LRRC9: variants seen among roughly 807,000 people sequenced by gnomAD.
LRRC9 encodes leucine rich repeat containing 9.
A neutral mutation model predicts 63.2 loss-of-function variants in LRRC9; 122 were observed. That is an observed-to-expected ratio of 1.93 (90% CI 1.67 to 2.24). The LOEUF (loss-of-function observed/expected upper bound fraction) is 2.24. Ranked by LOEUF, LRRC9 falls within the 30% of genes most tolerant of loss-of-function variation. LRRC9 has a pLI of 0.00. For synonymous variants in LRRC9, 366 were observed against 213.1 expected, an observed-to-expected ratio of 1.72 and a Z score of -6.25; for missense variants, 1,071 against 627.7, an observed-to-expected ratio of 1.71 and a Z score of -7.55.
intron 6 of LRRC9, among the ~76,000 whole-genome samples, chr14:59,937,565 A>C (rs1210312119): frequency 6.6e-5 from 10 of 152,170 alleles, no homozygotes; most frequent in African/African-American, 1.9e-4. Context: ...AAGGAGCAGC[A>C]TGAGTAAAGG....
chr14:60,027,800 T>TA lies in LRRC9; in HGVS notation c.3704-78dup, dbSNP rs936110805. Reference sequence around the variant, plus strand: ...TACTTCTTTTGACAAATCATCTGATTAAAAAATATTTAAATGTAAGTAGAT... The same window carrying TA: ...TACTTCTTTTGACAAATCATCTGATTAAAAAAATATTTAAATGTAAGTAGAT... On this transcript the variant is annotated intron_variant, in intron 27 of 31. Transcript: ENST00000445360. This position sits in a 1 kb window ranked among gnomAD's most constrained non-coding sequence, Gnocchi z 4.0. The TA allele has an allele frequency of 1.5e-4, 74 of 496,038 alleles. No individual in the cohort carries two copies. The highest frequency in any genetic ancestry group is 1.3e-3 in the African/African-American group (68 of 51,336). The allele number at this position is 496,038 out of a possible 1,614,324, so 30.7% of individuals were successfully genotyped here. A position where few individuals can be genotyped will look rare whatever the true frequency, so the allele number is the denominator to read the frequency against.
chr14:59,993,973 TC>T (rs1372904791), intron 17 of LRRC9, among the ~76,000 whole-genome samples: 1 of 152,128 alleles, frequency 6.6e-6, no homozygotes, highest in Non-Finnish European at 1.5e-5. Context: ...CTAATAGACA[TC>T]TACAGAACTC....
At chr14:60,013,450 T>C (rs1890419707) in intron 23 of LRRC9, among the ~76,000 whole-genome samples, 1 of 152,178 alleles carries the variant, frequency 6.6e-6, no homozygotes, top group African/African-American at 2.4e-5. Context: ...ATCAGGCCCA[T>C]CCAGATTATT....
At chr14:59,985,878 G>A (rs1287871350) in intron 17 of LRRC9, among the ~76,000 whole-genome samples, 2 of 152,098 alleles carry the variant, frequency 1.3e-5, no homozygotes, top group African/African-American at 4.8e-5. Context: ...ACTTTAAAAT[G>A]AATATATTAA....
At chr14:60,059,752 T>A (rs1894534861) in intron 31 of LRRC9, among the ~76,000 whole-genome samples, 1 of 152,194 alleles carries the variant, frequency 6.6e-6, no homozygotes, top group South Asian at 2.1e-4. Context: ...GACTGCTTTA[T>A]GAGGTTTAAG....
intron 6 of LRRC9, among the ~76,000 whole-genome samples, chr14:59,937,241 C>T (rs1000478893): frequency 1.4e-5 from 2 of 144,734 alleles, no homozygotes; most frequent in East Asian, 4.2e-4. Flanking sequence ...ATCTTTCAGG[C>T]TTTGTGGGCC....
chr14:60,056,176 G>C (rs1894271178), intron 30 of LRRC9, among the ~76,000 whole-genome samples: 2 of 152,148 alleles, frequency 1.3e-5, no homozygotes, highest in African/African-American at 4.8e-5. Flanking sequence ...TGTAAGGCAA[G>C]GTATTCACAG....
At chr14:59,948,359 G>C in intron 8 of LRRC9, among the ~76,000 whole-genome samples, 1 of 144,332 alleles carries the variant, frequency 6.9e-6, no homozygotes, top group Admixed American at 7.0e-5. Flanking sequence ...CATTAATTTT[G>C]TATCCTGAGA....
rs967366725 is a variant in LRRC9, at chr14:59,938,996, T to C, written c.726+424T>C. 4.4e-4 allele frequency among the ~76,000 whole-genome samples: 55 copies of C among 123,618 alleles called. No homozygotes were observed. In the East Asian group the frequency reaches 0.01, roughly 23 times the overall value. The allele number at this position is 123,618 out of a possible 152,430, so 81.1% of individuals were successfully genotyped here. ...ATATATACATATATACACACATATA[T>C]ACATATACATATATACACATATATA... On this transcript the variant is annotated intron_variant, in intron 7 of 31. Coordinates refer to ENST00000445360, the Ensembl canonical transcript of LRRC9. This position sits in a 1 kb window ranked among gnomAD's most constrained non-coding sequence, Gnocchi z 4.2.
intron 29 of LRRC9, among the ~76,000 whole-genome samples, chr14:60,046,025 TG>T (rs1009588249): frequency 9.2e-5 from 14 of 152,334 alleles, no homozygotes; most frequent in Middle Eastern, 3.4e-3. Context: ...TGATCAGTGA[TG>T]TTGAGCTTTT....
chr14:60,030,609 G>C (rs190366958), intron 28 of LRRC9, among the ~76,000 whole-genome samples: 4 of 152,104 alleles, frequency 2.6e-5, no homozygotes, highest in Admixed American at 2.0e-4. Context: ...TATTATAACT[G>C]CTTTAGGTAC....
chr14:60,017,401 C>T lies in LRRC9; in HGVS notation c.3317+611C>T, dbSNP rs1160199015. Among the ~76,000 whole-genome samples, 2 of 151,958 alleles carry T rather than the reference C, an allele frequency of 1.3e-5. No individual in the cohort carries two copies. Among genetic ancestry groups the T allele is most frequent in the Non-Finnish European group, 2.9e-5 (2 of 67,976 alleles). ...TAGAACTCTTTTCTGCTAATTTGCT[C>T]GACAAATACCTATAACTCCTCCAAA... On this transcript the variant is annotated intron_variant, in intron 24 of 31. Transcript: ENST00000445360. This position sits in a 1 kb window ranked among gnomAD's most constrained non-coding sequence, Gnocchi z 4.0.
intron 14 of LRRC9, 67 bp from the exon 15 acceptor site, chr14:59,977,950 A>C: frequency 1.5e-6 from 1 of 654,058 alleles, no homozygotes. Flanking sequence ...AAACTATGTA[A>C]GAATGAAAAA....
intron 14 of LRRC9, among the ~76,000 whole-genome samples, chr14:59,977,785 A>G (rs1886468525): frequency 6.6e-6 from 1 of 152,104 alleles, no homozygotes; most frequent in Non-Finnish European, 1.5e-5. Context: ...ATTAAAAAGT[A>G]TTTATATAAT....
intron 7 of LRRC9, among the ~76,000 whole-genome samples, chr14:59,941,202 G>C (rs1881724841): frequency 6.6e-6 from 1 of 151,748 alleles, no homozygotes; most frequent in Admixed American, 6.6e-5. Flanking sequence ...TAATAAATTA[G>C]AAAAAGTTGA....
At chr14:59,943,171 A>C (rs1450889475) in intron 7 of LRRC9, among the ~76,000 whole-genome samples, 1 of 152,102 alleles carries the variant, frequency 6.6e-6, no homozygotes, top group Non-Finnish European at 1.5e-5. Flanking sequence ...TTTTCAGTTT[A>C]ATATAGTCCC....
rs900066130 is a variant in LRRC9 at position 59,985,101 on chromosome 14, T to G, written c.2092-4T>G. ...TTTTTAATGTATATTTTATTTTGCTTCAGAGTCTGAATCTACATGGAAACA... is the reference window on the plus strand; with the variant it reads ...TTTTTAATGTATATTTTATTTTGCTGCAGAGTCTGAATCTACATGGAAACA... On this transcript the variant is annotated splice_polypyrimidine_tract_variant and splice_region_variant and intron_variant, in intron 16 of 31. Coordinates refer to ENST00000445360, the Ensembl canonical transcript of LRRC9. 12 of 660,272 alleles carry G rather than the reference T, an allele frequency of 1.8e-5. No homozygotes were observed. In the African/African-American group the frequency reaches 2.0e-4, roughly 11 times the overall value. 40.9% of individuals were successfully genotyped at this position (660,272 alleles called of 1,614,324 possible).
intron 8 of LRRC9, among the ~76,000 whole-genome samples, chr14:59,953,206 T>C (rs1345315585): frequency 6.6e-6 from 1 of 152,268 alleles, no homozygotes; most frequent in Non-Finnish European, 1.5e-5. Flanking sequence ...ATGTTATTTC[T>C]GGTTCTAGAT....
chr14:60,063,040 A>G (rs944828599), intron 31 of LRRC9, among the ~76,000 whole-genome samples: 39 of 152,140 alleles, frequency 2.6e-4, no homozygotes, highest in Non-Finnish European at 4.3e-4. Context: ...TACTACGGGC[A>G]TGCGCCACCA....
Sources: gnomAD v4.1 joint callset for allele counts (sites outside exome capture counted in the v4.1 genomes callset) on GRCh38, gnomAD v4.1.1 for gene constraint, Gnocchi (gnomAD v3.1) non-coding constraint, MANE v1.5 for transcripts, NCBI Gene and HGNC (gene_info 2026-07-23, HGNC 2026-07-21) for gene names.